GPC2: variants seen among roughly 807,000 people sequenced by gnomAD.
The protein encoded by GPC2 is glypican 2, also known as glypican-2.
GPC2 carries 42 observed loss-of-function variants against 57.3 expected under a neutral mutation model. The ratio of observed to expected loss-of-function variants is 0.73; its 90% CI spans 0.57 to 0.95. GPC2 has a LOEUF of 0.95. Ranked by LOEUF, GPC2 falls within the 40% of genes least tolerant of loss-of-function variation. The probability of loss-of-function intolerance (pLI) is 0.00; values close to 1 mark genes in which losing one functional copy is unlikely to be tolerated. For synonymous variants in GPC2, 364 were observed against 343.4 expected (o/e 1.06, Z -0.66); for missense variants, 745 against 793.6 (o/e 0.94, Z 0.74).
chr7:100,175,926 A>C, intron 2 of GPC2, 32 bp from the exon 3 acceptor site: 1 of 1,585,580 alleles, frequency 6.3e-7, no homozygotes, highest in South Asian at 1.1e-5. Flanking sequence ...GGTGGAAGGC[A>C]GGTCAGGCCA....
intron 5 of GPC2, 177 bp downstream of exon 5, chr7:100,173,652 GTCTCTC>G (rs538787303): frequency 2.6e-6 from 1 of 384,308 alleles, no homozygotes; most frequent in Non-Finnish European, 4.6e-6. Flanking sequence ...TTCTTTCTCT[GTCTCTC>G]TCTCTCTCTT....
intron 5 of GPC2, 194 bp downstream of exon 5, chr7:100,173,637 CTTCT>C (rs1014874474): frequency 2.6e-5 from 11 of 421,666 alleles, no homozygotes; most frequent in Non-Finnish European, 3.3e-5. Context: ...TCCTTCTTTC[CTTCT>C]TTCTTTCTCT....
Position 100,171,887 on chromosome 7 carries a change from G to A in GPC2, c.1062C>T (p.Ala354=), listed in dbSNP as rs1242484289. ...QECGPPDPVP[A]RNRRAPPPRE... ...GGGGCGGCGGGGCTCGACGGTTGCG[G>A]GCAGGCACCGGGTCGGGGGGGCCGC... The change falls in exon 7 of 10, where the codon GCC becomes GCT. Residue 354 remains alanine, a synonymous_variant. Coordinates refer to ENST00000292377, the MANE Select transcript of GPC2 (RefSeq NM_152742.3). This position sits in a 1 kb window ranked among gnomAD's most constrained non-coding sequence, Gnocchi z 4.8. 3 of 1,511,244 alleles carry A rather than the reference G, an allele frequency of 2.0e-6. No individual in the cohort carries two copies. The African/African-American group carries it at 4.2e-5, about 21-fold the overall frequency. 93.6% of individuals were successfully genotyped at this position (1,511,244 alleles called of 1,614,324 possible). A position where few individuals can be genotyped will look rare whatever the true frequency, so the allele number is the denominator to read the frequency against.
Position 100,171,207 on chromosome 7 carries a change from G to T in GPC2, c.1486+54C>A. 1 of 1,435,158 alleles carries T rather than the reference G, an allele frequency of 7.0e-7. No individual in the cohort carries two copies. Among genetic ancestry groups the T allele is most frequent in the Non-Finnish European group, 9.3e-7 (1 of 1,078,824 alleles). The allele number at this position is 1,435,158 out of a possible 1,614,324, so 88.9% of individuals were successfully genotyped here. On this transcript the variant is annotated intron_variant, in intron 9 of 9. Transcript: ENST00000292377. This position sits in a 1 kb window ranked among gnomAD's most constrained non-coding sequence, Gnocchi z 4.8. ...ACGGGCGGGAACTACCAGGAGAGGGGAGAGGCTTCAGGGCAGTGGGCGGGG... is the reference window on the plus strand; with the variant it reads ...ACGGGCGGGAACTACCAGGAGAGGGTAGAGGCTTCAGGGCAGTGGGCGGGG...
Position 100,175,704 on chromosome 7 carries a change from C to G in GPC2, c.516G>C (p.Glu172Asp). The change falls in exon 3 of 10, where the codon GAG becomes GAC. Residue 172 changes from glutamate to aspartate, a missense_variant. Around this residue, in one of 2 missense-constraint regions of GPC2, gnomAD observed 607 missense variants for 603.9 expected, o/e 1.01. Coordinates refer to ENST00000292377, the MANE Select transcript of GPC2 (RefSeq NM_152742.3). ...GTGGGTGCAGCAGCGGGAACACTCT[C>G]TCCAGGAGCTGTGCCCAGAAATCCG... ...TLADFWAQLL[E>D]RVFPLLHPQY... 6.2e-7 allele frequency: 1 copy of G among 1,614,150 alleles called. No individual in the cohort carries two copies. Among genetic ancestry groups the G allele is most frequent in the Non-Finnish European group, 8.5e-7 (1 of 1,180,024 alleles).
chr7:100,172,237 G>C lies in GPC2; in HGVS notation c.893-20C>G, dbSNP rs116665446. 3.1e-6 allele frequency: 5 copies of C among 1,613,018 alleles called. No individual in the cohort carries two copies. The highest frequency in any genetic ancestry group is 4.2e-6 in the Non-Finnish European group (5 of 1,179,540). On this transcript the variant is annotated intron_variant, in intron 5 of 9. Transcript: ENST00000292377. ...GACCATCTTAAGGGAGGGAGAGAAA[G>C]AGAAAGGATGGGATGAGTGGTGATA...
rs1257024421 is a variant in GPC2 at position 100,170,136 on chromosome 7, C to G, written c.*94G>C. The G allele has an allele frequency of 3.0e-6, 4 of 1,350,938 alleles. No homozygotes were observed. The East Asian group carries it at 1.1e-4, about 36-fold the overall frequency. 83.7% of individuals were successfully genotyped at this position (1,350,938 alleles called of 1,614,324 possible). The stretch of plus-strand genomic sequence containing the variant: ...CTGCAAAGTCCCTTCTCTACCCTCT[C>G]TGCAGCCCCCTTCGACTCCTCCCCA... On this transcript the variant is annotated 3_prime_UTR_variant, in exon 10 of 10. Coordinates refer to ENST00000292377, the MANE Select transcript of GPC2 (RefSeq NM_152742.3).
chr7:100,172,649 A>ATG (rs746734313), intron 5 of GPC2, among the ~76,000 whole-genome samples: 2 of 118,134 alleles, frequency 1.7e-5, no homozygotes, highest in East Asian at 2.7e-4. Context: ...ATATATATAT[A>ATG]TGTGTGTGTG....
chr7:100,175,090 T>C (rs903620883), intron 3 of GPC2, among the ~76,000 whole-genome samples: 3 of 152,242 alleles, frequency 2.0e-5, no homozygotes, highest in African/African-American at 7.2e-5. Flanking sequence ...ACTTACTGGC[T>C]GAAAAGCTTA....
In GPC2 at chr7:100,171,438, T is replaced by C; in HGVS notation, c.1311-2A>G. ...CCCCCGACCACTGGCGGCAAGTACC[T>C]GCGAGCAGAGCAGCCCCGAAGCGCC... is the stretch of plus-strand genomic sequence containing the variant. On this transcript the variant is annotated splice_acceptor_variant, in intron 8 of 9. Coordinates refer to ENST00000292377, the MANE Select transcript of GPC2 (RefSeq NM_152742.3). LOFTEE classifies it high-confidence loss of function. The surrounding 1 kb of genome is among the most constrained non-coding windows in gnomAD (Gnocchi z 4.8). 3 of 1,446,538 alleles carry C rather than the reference T, an allele frequency of 2.1e-6. No homozygotes were observed. Among genetic ancestry groups the C allele is most frequent in the South Asian group, 1.4e-5 (1 of 70,390 alleles). 89.6% of individuals were successfully genotyped at this position (1,446,538 alleles called of 1,614,324 possible).
In GPC2 at chr7:100,170,016, G is replaced by A. The variant is rs1201430569; in HGVS notation, c.*214C>T. Reference sequence around the variant, plus strand: ...ACTCCCTCCTAAATAAATACCCCCAGGCCCCCCTCCCATTACCAAATGAAA... The same window carrying A: ...ACTCCCTCCTAAATAAATACCCCCAAGCCCCCCTCCCATTACCAAATGAAA... On this transcript the variant is annotated 3_prime_UTR_variant, in exon 10 of 10. Transcript: ENST00000292377. The A allele has an allele frequency of 6.2e-6, 3 of 482,366 alleles. No homozygotes were observed. Among genetic ancestry groups the A allele is most frequent in the South Asian group, 3.6e-5 (1 of 27,566 alleles). The allele number at this position is 482,366 out of a possible 1,614,324, so 29.9% of individuals were successfully genotyped here.
In GPC2 at chr7:100,170,053, G is replaced by T; in HGVS notation, c.*177C>A. ...ATTACCAAATGAAAAAATAAATATT[G>T]TGAACACCCACCCACCTCTGATGAA... On this transcript the variant is annotated 3_prime_UTR_variant, in exon 10 of 10. Coordinates refer to ENST00000292377, the MANE Select transcript of GPC2 (RefSeq NM_152742.3). 10 of 500,502 alleles carry T rather than the reference G, an allele frequency of 2.0e-5. No individual in the cohort carries two copies. Among genetic ancestry groups the T allele is most frequent in the East Asian group, 3.4e-5 (1 of 29,388 alleles). The allele number at this position is 500,502 out of a possible 1,614,324, so 31.0% of individuals were successfully genotyped here. A position where few individuals can be genotyped will look rare whatever the true frequency, so the allele number is the denominator to read the frequency against.
At chr7:100,177,009 C>T in intron 1 of GPC2, 25 bp downstream of exon 1, 18 of 386,800 alleles carry the variant, frequency 4.7e-5, no homozygotes, top group Non-Finnish European at 9.3e-5. Flanking sequence ...ACCCCCAATT[C>T]TCTAGTCTTC....
chr7:100,170,129 A>G lies in GPC2; in HGVS notation c.*101T>C, dbSNP rs2116979832. 7.9e-7 allele frequency: 1 copy of G among 1,262,646 alleles called. No homozygotes were observed. Among genetic ancestry groups the G allele is most frequent in the Non-Finnish European group, 1.1e-6 (1 of 942,782 alleles). 78.2% of individuals were successfully genotyped at this position (1,262,646 alleles called of 1,614,324 possible). On this transcript the variant is annotated 3_prime_UTR_variant, in exon 10 of 10. Transcript: ENST00000292377. ...CATTCACCTGCAAAGTCCCTTCTCT[A>G]CCCTCTCTGCAGCCCCCTTCGACTC...
intron 4 of GPC2, chr7:100,174,202 G>A: frequency 1.9e-6 from 1 of 525,946 alleles, no homozygotes; most frequent in Admixed American, 3.6e-5. Flanking sequence ...TGGAAATAGA[G>A]AGGCAGTTAG....
rs1385743658 is a variant in GPC2, at chr7:100,171,385, G to C, written c.1362C>G (p.Pro454=). 6.5e-7 allele frequency: 1 copy of C among 1,534,052 alleles called. No homozygotes were observed. Among genetic ancestry groups the C allele is most frequent in the Non-Finnish European group, 8.8e-7 (1 of 1,141,200 alleles). ...GGCCCGAGGCGTCCACCTTGAGCTC[G>C]GGGTTGTTGACCTGCTCGGCCGGGG... is the stretch of plus-strand genomic sequence containing the variant. ...GGSPAEQVNN[P]ELKVDASGPD... The change falls in exon 9 of 10, where the codon CCC becomes CCG. Residue 454 remains proline, a synonymous_variant. Transcript: ENST00000292377. The surrounding 1 kb of genome is among the most constrained non-coding windows in gnomAD (Gnocchi z 4.8).
rs779598410 is a variant in GPC2 at position 100,175,714 on chromosome 7, T to C, written c.506A>G (p.Gln169Arg). ...LDDTLADFWAQLLERVFPLLH... is the reference protein window; with the variant it reads ...LDDTLADFWARLLERVFPLLH... ...CAGCGGGAACACTCTCTCCAGGAGC[T>C]GTGCCCAGAAATCCGCCAGGGTGTC... The change falls in exon 3 of 10, where the codon CAG (glutamine) becomes CGG (arginine). Residue 169 changes from glutamine to arginine, a missense_variant. Around this residue, in one of 2 missense-constraint regions of GPC2, gnomAD observed 607 missense variants for 603.9 expected, o/e 1.01. Coordinates refer to ENST00000292377, the MANE Select transcript of GPC2 (RefSeq NM_152742.3). The C allele has an allele frequency of 1.2e-6, 2 of 1,614,114 alleles. No individual in the cohort carries two copies. Among genetic ancestry groups the C allele is most frequent in the Admixed American group, 3.3e-5 (2 of 60,006 alleles).
In GPC2 at chr7:100,177,285, G is replaced by A; in HGVS notation, c.-86C>T. 3 of 1,213,418 alleles carry A rather than the reference G, an allele frequency of 2.5e-6. No homozygotes were observed. The highest frequency in any genetic ancestry group is 3.4e-6 in the Non-Finnish European group (3 of 884,462). The allele number at this position is 1,213,418 out of a possible 1,614,324, so 75.2% of individuals were successfully genotyped here. ...CTCGGGAATCCGGTACTCGGCCGCG[G>A]GACCGCTCCGCGGGCCAGAGAAAGA... On this transcript the variant is annotated 5_prime_UTR_variant, in exon 1 of 10. Coordinates refer to ENST00000292377, the MANE Select transcript of GPC2 (RefSeq NM_152742.3).
Position 100,169,914 on chromosome 7 carries a change from T to A in GPC2, c.*316A>T. The A allele has an allele frequency of 5.9e-6, 1 of 169,874 alleles. No individual in the cohort carries two copies. The highest frequency in any genetic ancestry group is 1.2e-5 in the Non-Finnish European group (1 of 85,210). 10.5% of individuals were successfully genotyped at this position (169,874 alleles called of 1,614,324 possible). ...CCCTTCCCCAGCTGCAACTCTAAAC[T>A]CCTCATTTTCTCTGTTGGGGCTGAT... is the stretch of plus-strand genomic sequence containing the variant. On this transcript the variant is annotated 3_prime_UTR_variant, in exon 10 of 10. Coordinates refer to ENST00000292377, the MANE Select transcript of GPC2 (RefSeq NM_152742.3).
Sources: gnomAD v4.1 joint callset for allele counts (sites outside exome capture counted in the v4.1 genomes callset) on GRCh38, gnomAD v4.1.1 for gene constraint, gnomAD v4.1.1 regional missense constraint, Gnocchi (gnomAD v3.1) non-coding constraint, MANE v1.5 for transcripts, NCBI Gene and HGNC (gene_info 2026-07-23, HGNC 2026-07-21) for gene names.